The following KIF21A variants were observed in gnomAD, a reference collection of about 807,000 sequenced individuals.
The protein encoded by KIF21A is kinesin family member 21A, also known as kinesin-like protein KIF21A.
In KIF21A, 114 loss-of-function variants were observed where a neutral mutation model predicts 202.9. The ratio of observed to expected loss-of-function variants is 0.56; its 90% CI spans 0.48 to 0.66. The LOEUF (loss-of-function observed/expected upper bound fraction) is 0.66, where lower values mean the gene tolerates loss of function less well. Ranked by LOEUF, KIF21A falls within the 30% of genes least tolerant of loss-of-function variation. The pLI, the probability that KIF21A is intolerant of heterozygous loss-of-function variation, is 0.00. For synonymous variants in KIF21A, 667 were observed against 670.8 expected, an observed-to-expected ratio of 0.99 and a Z score of 0.09; for missense variants, 1,677 against 1,994.9, an observed-to-expected ratio of 0.84 and a Z score of 3.04.
intron 1 of KIF21A, among the ~76,000 whole-genome samples, chr12:39,385,999 C>T (rs1053142304): frequency 2.6e-5 from 4 of 152,116 alleles, no homozygotes; most frequent in Admixed American, 2.6e-4. Flanking sequence ...TAAAGGCTTT[C>T]TGTTTATTTG....
At chr12:39,441,363 A>G (rs1939550725) in intron 1 of KIF21A, among the ~76,000 whole-genome samples, 2 of 152,054 alleles carry the variant, frequency 1.3e-5, no homozygotes, top group Admixed American at 6.6e-5. Context: ...AAACAGACAA[A>G]TTGTCTGTTT....
At position 39,357,335 on chromosome 12, in the gene KIF21A, T is replaced by C; in HGVS notation, c.1318A>G (p.Lys440Glu). ...GCATCAACCGTCTCTTGCATGGCTT[T>C]AATTCTTACACGCAGGTTATTATTT... ...TENNNLRVRIKAMQETVDALR... is the reference protein window; with the variant it reads ...TENNNLRVRIEAMQETVDALR... The change falls in exon 9 of 38, where the codon AAA becomes GAA. Residue 440 changes from lysine (K) to glutamate (E), a missense_variant. Lys to Glu is a moderately conservative substitution (Grantham distance 56, BLOSUM62 1). Transcript: ENST00000361418. 6.2e-7 allele frequency: 1 copy of C among 1,614,130 alleles called. No individual in the cohort carries two copies. Among genetic ancestry groups the C allele is most frequent in the East Asian group, 2.2e-5 (1 of 44,880 alleles).
At chr12:39,436,151 G>T (rs973313024) in intron 1 of KIF21A, among the ~76,000 whole-genome samples, 4 of 151,756 alleles carry the variant, frequency 2.6e-5, no homozygotes, top group Non-Finnish European at 5.9e-5. Context: ...AATTATATAA[G>T]GAATGCTTAA....
intron 1 of KIF21A, among the ~76,000 whole-genome samples, chr12:39,411,391 G>T (rs189967198): frequency 7.8e-4 from 119 of 152,238 alleles, no homozygotes; most frequent in African/African-American, 2.8e-3. Flanking sequence ...AGATCCACAG[G>T]TGACCGGAAT....
intron 1 of KIF21A, among the ~76,000 whole-genome samples, chr12:39,378,154 G>A (rs1231833937): frequency 6.6e-6 from 1 of 152,108 alleles, no homozygotes; most frequent in Non-Finnish European, 1.5e-5. Context: ...TGGCTAACCA[G>A]AAAAAGAAAG....
At chr12:39,379,087 T>G (rs1950444249) in intron 1 of KIF21A, among the ~76,000 whole-genome samples, 1 of 152,108 alleles carries the variant, frequency 6.6e-6, no homozygotes, top group Non-Finnish European at 1.5e-5. Context: ...ATCCCAGCAC[T>G]TTGGGAGGCT....
intron 24 of KIF21A, among the ~76,000 whole-genome samples, chr12:39,328,193 C>T (rs148599154): frequency 2.0e-5 from 3 of 152,166 alleles, no homozygotes; most frequent in Admixed American, 6.5e-5. Context: ...CTAGAAACTT[C>T]GTGCAAATAA....
chr12:39,377,738 A>G (rs1484792822), intron 1 of KIF21A, among the ~76,000 whole-genome samples: 2 of 152,208 alleles, frequency 1.3e-5, no homozygotes, highest in Admixed American at 1.3e-4. Context: ...TAAAGAGATT[A>G]TTAATTGAGT....
At chr12:39,299,304 T>C (rs11836245) in intron 37 of KIF21A, among the ~76,000 whole-genome samples, 9,859 of 152,146 alleles carry the variant, frequency 0.065, 1,050 homozygotes, top group African/African-American at 0.23. Flanking sequence ...AAAAAGGTCA[T>C]GAACAGACAC....
intron 32 of KIF21A, among the ~76,000 whole-genome samples, chr12:39,310,749 C>T (rs1481636972): frequency 1.3e-5 from 2 of 152,000 alleles, no homozygotes; most frequent in Admixed American, 6.6e-5. Flanking sequence ...GGGCATAATT[C>T]CTCTCTTTTC....
chr12:39,331,011 C>T, intron 22 of KIF21A, 100 bp from the exon 23 acceptor site: 1 of 1,239,732 alleles, frequency 8.1e-7, no homozygotes, highest in Non-Finnish European at 1.2e-6. Context: ...TGGGTTTTGA[C>T]ATCAGATAGA....
chr12:39,328,548 C>G (rs754757115), intron 24 of KIF21A, among the ~76,000 whole-genome samples: 1 of 152,070 alleles, frequency 6.6e-6, no homozygotes, highest in East Asian at 1.9e-4. Flanking sequence ...TAGTGGTGAC[C>G]GTGGGGATCC....
In KIF21A at chr12:39,348,316, T is replaced by C. The variant is rs191389087; in HGVS notation, c.1674-1812A>G. Reference sequence around the variant, plus strand: ...CTTGCCAACCATTCTAACATTTGTGTAACTGAAAGATATGCCACATAGTTT... The same window carrying C: ...CTTGCCAACCATTCTAACATTTGTGCAACTGAAAGATATGCCACATAGTTT... On this transcript the variant is annotated intron_variant, in intron 11 of 37. Coordinates refer to ENST00000361418, the MANE Select transcript of KIF21A (RefSeq NM_001173464.2). Among the ~76,000 whole-genome samples the C allele has an allele frequency of 2.8e-3, 432 of 152,258 alleles. 1 individual carries two copies. The highest frequency in any genetic ancestry group is 4.1e-3 in the Non-Finnish European group (276 of 67,994).
intron 22 of KIF21A, 28 bp from the exon 23 acceptor site, chr12:39,330,939 G>T: frequency 6.2e-7 from 1 of 1,611,334 alleles, no homozygotes; most frequent in Non-Finnish European, 8.5e-7. Context: ...ATTATCTTAG[G>T]TCATACGAAA....
At chr12:39,346,403 C>T (rs767461960) in intron 12 of KIF21A, 63 bp downstream of exon 12, 24 of 1,233,438 alleles carry the variant, frequency 1.9e-5, no homozygotes, top group Non-Finnish European at 2.6e-5. Context: ...AACACATTTC[C>T]TTGTGAATGG....
At chr12:39,363,845 C>T (rs746930869) in intron 6 of KIF21A, among the ~76,000 whole-genome samples, 12 of 152,182 alleles carry the variant, frequency 7.9e-5, no homozygotes, top group East Asian at 1.9e-4. Flanking sequence ...TGGGGAAACC[C>T]CATCTCTACT....
Position 39,301,520 on chromosome 12 carries a change from C to T in KIF21A, c.4891G>A (p.Ala1631Thr), listed in dbSNP as rs886049339. 1.7e-5 allele frequency: 28 copies of T among 1,613,966 alleles called. No homozygotes were observed. Among genetic ancestry groups the T allele is most frequent in the Non-Finnish European group, 2.4e-5 (28 of 1,179,960 alleles). Residue 1631 changes from alanine to threonine, a missense_variant, in exon 37 of 38, where the codon GCC becomes ACC. Physicochemically the swap from Ala to Thr is moderately conservative, Grantham distance 58. Around this residue, in one of 3 missense-constraint regions of KIF21A, gnomAD observed 705 missense variants for 791.9 expected, o/e 0.89. Coordinates refer to ENST00000361418, the MANE Select transcript of KIF21A (RefSeq NM_001173464.2). ...ATGTGGGTGGAATTAACACATATGGCATTGATAGGACTATCATGACCCTTC... is the reference window on the plus strand; with the variant it reads ...ATGTGGGTGGAATTAACACATATGGTATTGATAGGACTATCATGACCCTTC... ...EMKGHDSPIN[A>T]ICVNSTHIFT...
intron 1 of KIF21A, 82 bp from the exon 2 acceptor site, chr12:39,370,343 G>A: frequency 2.0e-6 from 2 of 1,013,724 alleles, no homozygotes; most frequent in Non-Finnish European, 3.0e-6. Flanking sequence ...AAAAACTCTT[G>A]GCCAAATCTT....
intron 5 of KIF21A, among the ~76,000 whole-genome samples, 180 bp downstream of exon 5, chr12:39,366,850 A>AT (rs1223027989): frequency 6.6e-6 from 1 of 152,190 alleles, no homozygotes; most frequent in Admixed American, 6.5e-5. Flanking sequence ...CATTTATACA[A>AT]TTTTTTATTT....
Sources: gnomAD v4.1 joint callset for allele counts (sites outside exome capture counted in the v4.1 genomes callset) on GRCh38, gnomAD v4.1.1 for gene constraint, gnomAD v4.1.1 regional missense constraint, MANE v1.5 for transcripts, NCBI Gene and HGNC (gene_info 2026-07-23, HGNC 2026-07-21) for gene names.